Variants in DLGAP2 observed in about 807,000 individuals in gnomAD.
The protein encoded by DLGAP2 is DLG associated protein 2.
A neutral mutation model predicts 100.3 loss-of-function variants in DLGAP2; 26 were observed. That is an observed-to-expected ratio of 0.26 (90% CI 0.19 to 0.36). The LOEUF (loss-of-function observed/expected upper bound fraction) is 0.36. DLGAP2 is among the 10% of genes least tolerant of loss of function. DLGAP2 has a pLI of 1.00. For missense variants in DLGAP2, 1,858 were observed against 1,453.2 expected (o/e 1.28, Z -4.53); for synonymous variants, 886 against 630.1 (o/e 1.41, Z -6.08).
At chr8:965,717 G>T (rs543395974) in intron 2 of DLGAP2, among the ~76,000 whole-genome samples, 1 of 112,570 alleles carries the variant, frequency 8.9e-6, no homozygotes, top group African/African-American at 3.3e-5. Flanking sequence ...CCCAACCCCC[G>T]CGTGCACACG....
intron 2 of DLGAP2, among the ~76,000 whole-genome samples, chr8:1,162,067 G>C (rs919131217): frequency 6.6e-6 from 1 of 152,218 alleles, no homozygotes; most frequent in African/African-American, 2.4e-5. Context: ...GTTTGCAGCA[G>C]AAGTTCCAGC....
At chr8:1,267,603 TAAG>T in intron 3 of DLGAP2, among the ~76,000 whole-genome samples, 1 of 68,454 alleles carries the variant, frequency 1.5e-5, no homozygotes, top group East Asian at 3.3e-4. Flanking sequence ...TAAGATAAGA[TAAG>T]ATAAGATAAG....
chr8:773,741 C>T (rs1301564878), intron 1 of DLGAP2, among the ~76,000 whole-genome samples: 1 of 152,080 alleles, frequency 6.6e-6, no homozygotes, highest in Non-Finnish European at 1.5e-5. Flanking sequence ...TTAATCCAGT[C>T]TATCATTGTT....
intron 3 of DLGAP2, chr8:1,368,690 G>A (rs1053546165): frequency 1.3e-5 from 2 of 152,270 alleles, no homozygotes; most frequent in East Asian, 3.9e-4. Flanking sequence ...TTGGCATAAA[G>A]CATGTGGTAT....
intron 3 of DLGAP2, among the ~76,000 whole-genome samples, chr8:1,358,432 G>C (rs1029891800): frequency 6.6e-6 from 1 of 152,146 alleles, no homozygotes; most frequent in East Asian, 1.9e-4. Flanking sequence ...TTTTGGTTAA[G>C]GAGGTAGATT....
intron 2 of DLGAP2, among the ~76,000 whole-genome samples, chr8:994,511 A>G (rs1288378588): frequency 2.6e-5 from 4 of 152,062 alleles, no homozygotes; most frequent in African/African-American, 7.2e-5. Context: ...GGTGTTTTTT[A>G]ATAACGGTTG....
intron 6 of DLGAP2, among the ~76,000 whole-genome samples, chr8:1,598,607 C>A (rs1249674953): frequency 2.6e-5 from 4 of 152,034 alleles, no homozygotes; most frequent in Admixed American, 2.6e-4. Context: ...GTGTATGTTT[C>A]CAGGAATGTA....
rs900007799 is a variant in DLGAP2, at chr8:1,386,056, C to T, written c.107-115310C>T. On this transcript the variant is annotated intron_variant, in intron 3 of 14. Transcript: ENST00000637795. ...TTACAAAAATATGGTTTAATCTCCA[C>T]GGGATTTTGAAAATAAAATTGAAAA... Among the ~76,000 whole-genome samples, 4 of 152,308 alleles carry T rather than the reference C, an allele frequency of 2.6e-5. No individual in the cohort carries two copies. The East Asian group carries it at 7.7e-4, about 29-fold the overall frequency.
rs561461946 is a variant in DLGAP2 at position 840,304 on chromosome 8, A to G, written c.19-67608A>G. Among the ~76,000 whole-genome samples, 88 of 53,898 alleles carry G rather than the reference A, an allele frequency of 1.6e-3. 2 individuals are homozygous for G. The highest frequency in any genetic ancestry group is 8.0e-3 in the African/African-American group (86 of 10,792). 35.4% of individuals were successfully genotyped at this position (53,898 alleles called of 152,430 possible). A position where few individuals can be genotyped will look rare whatever the true frequency, so the allele number is the denominator to read the frequency against. On this transcript the variant is annotated intron_variant, in intron 1 of 14. Coordinates refer to ENST00000637795, the MANE Select transcript of DLGAP2 (RefSeq NM_001346810.2). Reference sequence around the variant, plus strand: ...CTCTGGATTCTGCGAGCGCGTCCACACGGTGCACGCCTGCACGTCTCCCCA... The same window carrying G: ...CTCTGGATTCTGCGAGCGCGTCCACGCGGTGCACGCCTGCACGTCTCCCCA...
chr8:1,254,457 A>T (rs371524706), intron 2 of DLGAP2, among the ~76,000 whole-genome samples: 3 of 151,992 alleles, frequency 2.0e-5, no homozygotes, highest in African/African-American at 7.2e-5. Context: ...ATAAGATGCA[A>T]TGGGCTTCTA....
intron 8 of DLGAP2, among the ~76,000 whole-genome samples, chr8:1,654,842 T>C (rs6984729): frequency 0.04 from 6,152 of 152,208 alleles, 419 homozygotes; most frequent in African/African-American, 0.14. Context: ...TATCCTTTAG[T>C]TTTGTTACCT....
At chr8:1,440,537 C>A (rs1377568572) in intron 3 of DLGAP2, among the ~76,000 whole-genome samples, 1 of 152,164 alleles carries the variant, frequency 6.6e-6, no homozygotes, top group Non-Finnish European at 1.5e-5. Flanking sequence ...GTTAGCCGTG[C>A]AAATGTTACA....
At chr8:892,108 G>C (rs905481613) in intron 1 of DLGAP2, among the ~76,000 whole-genome samples, 5 of 152,260 alleles carry the variant, frequency 3.3e-5, no homozygotes, top group African/African-American at 1.2e-4. Context: ...TGCTGGGAAT[G>C]GAAGATGGGG....
intron 2 of DLGAP2, among the ~76,000 whole-genome samples, chr8:1,071,964 G>A (rs1296978984): frequency 6.6e-6 from 1 of 152,172 alleles, no homozygotes; most frequent in Non-Finnish European, 1.5e-5. Context: ...CTGGCTGTAC[G>A]TGGTTTCTCG....
chr8:1,481,860 C>T (rs996229734), intron 3 of DLGAP2, among the ~76,000 whole-genome samples: 8 of 152,186 alleles, frequency 5.3e-5, no homozygotes, highest in African/African-American at 1.9e-4. Flanking sequence ...GAAAACTAAA[C>T]TCATGTCAGG....
intron 2 of DLGAP2, among the ~76,000 whole-genome samples, chr8:1,175,088 C>A (rs1797224675): frequency 6.6e-6 from 1 of 152,106 alleles, no homozygotes; most frequent in Non-Finnish European, 1.5e-5. Context: ...TCTAGGATTC[C>A]CCTTCCCACA....
At chr8:765,631 A>G (rs796503638) in intron 1 of DLGAP2, among the ~76,000 whole-genome samples, 15 of 152,288 alleles carry the variant, frequency 9.8e-5, no homozygotes, top group African/African-American at 3.6e-4. Context: ...GAAAAAATTA[A>G]TTTTTGTATA....
intron 1 of DLGAP2, among the ~76,000 whole-genome samples, chr8:787,325 C>T (rs771955557): frequency 2.6e-5 from 4 of 152,198 alleles, no homozygotes; most frequent in Non-Finnish European, 5.9e-5. Flanking sequence ...TTCTGTGATG[C>T]TGAGGACCCT....
chr8:1,509,419 T>C (rs1800077563), intron 4 of DLGAP2, among the ~76,000 whole-genome samples: 1 of 152,044 alleles, frequency 6.6e-6, no homozygotes, highest in East Asian at 1.9e-4. Flanking sequence ...TTTTTGGGTG[T>C]GTGCGTGTGG....
Sources: allele counts gnomAD v4.1 joint callset (sites outside exome capture counted in the v4.1 genomes callset), GRCh38; gene constraint gnomAD v4.1.1; transcripts MANE v1.5; gene names NCBI Gene and HGNC (gene_info 2026-07-23, HGNC 2026-07-21).